Variants in MCM3AP observed in about 807,000 individuals in gnomAD.
MCM3AP encodes the protein germinal-center associated nuclear protein.
Under a neutral mutation model 184.1 loss-of-function variants are expected in MCM3AP, and 126 were observed. The ratio of observed to expected loss-of-function variants is 0.68; its 90% CI spans 0.59 to 0.79. MCM3AP has a LOEUF of 0.79. Ranked by LOEUF, MCM3AP falls within the 30% of genes least tolerant of loss-of-function variation. The pLI is 0.00. For synonymous variants in MCM3AP, 1,002 were observed against 979.3 expected (o/e 1.02, Z -0.43); for missense variants, 2,496 against 2,479.2 (o/e 1.01, Z -0.14).
At chr21:46,282,426 CTA>C (rs1249891479) in intron 2 of MCM3AP, among the ~76,000 whole-genome samples, 2 of 152,116 alleles carry the variant, frequency 1.3e-5, no homozygotes, top group Non-Finnish European at 1.5e-5. Context: ...GTAATTTTGT[CTA>C]TGAGAATACT....
intron 2 of MCM3AP, among the ~76,000 whole-genome samples, chr21:46,282,407 C>T (rs2081344985): frequency 6.6e-6 from 1 of 152,120 alleles, no homozygotes. Context: ...TTATAAATTC[C>T]TATAGAACGT....
chr21:46,246,723 T>C lies in MCM3AP; in HGVS notation c.4454A>G (p.Gln1485Arg), dbSNP rs2080777875. 8 of 1,614,228 alleles carry C rather than the reference T, an allele frequency of 5.0e-6. No individual in the cohort carries two copies. The highest frequency in any genetic ancestry group is 6.8e-6 in the Non-Finnish European group (8 of 1,180,034). ...CTGGAAGGGCTTAGCCTGCAGGAGC[T>C]GCTTGAGCTGCAGCAAGGCCGACAG... ...YWLSALLQLK[Q>R]LLQAKPFQPA... The change falls in exon 21 of 28, where the codon CAG becomes CGG. Residue 1485 changes from glutamine to arginine, a missense_variant. Physicochemically the swap from Gln to Arg is conservative, Grantham distance 43. This residue lies in a region of MCM3AP where 1,323 missense variants were observed against 1,273.4 expected (regional missense o/e 1.04). Transcript: ENST00000291688.
chr21:46,252,273 A>G (rs1271639383), intron 19 of MCM3AP, among the ~76,000 whole-genome samples: 1 of 152,182 alleles, frequency 6.6e-6, no homozygotes, highest in African/African-American at 2.4e-5. Flanking sequence ...GATTTTCAGC[A>G]ATAGAAAACA....
At position 46,267,138 on chromosome 21, in the gene MCM3AP, C is replaced by T. The variant is rs373674344; in HGVS notation, c.2633G>A (p.Arg878His). The T allele has an allele frequency of 3.7e-6, 6 of 1,613,028 alleles. No individual in the cohort carries two copies. Among genetic ancestry groups the T allele is most frequent in the South Asian group, 2.2e-5 (2 of 90,852 alleles). Reference sequence around the variant, plus strand: ...GTTGAGCGCCCGGAGAGCATCCTTGCGGATCTGAGAGGAGGAGCGAAATCA... The same window carrying T: ...GTTGAGCGCCCGGAGAGCATCCTTGTGGATCTGAGAGGAGGAGCGAAATCA... ...CLLHCYFSQI[R>H]KDALRALNFA... The change falls in exon 10 of 28, where the codon CGC (arginine) becomes CAC (histidine). Residue 878 changes from arginine to histidine, a missense_variant. Coordinates refer to ENST00000291688, the MANE Select transcript of MCM3AP (RefSeq NM_003906.5).
In MCM3AP at chr21:46,284,503, G is replaced by T. The variant is rs771646688; in HGVS notation, c.784C>A (p.Pro262Thr). The change falls in exon 1 of 28, where the codon CCT (proline) becomes ACT (threonine). Residue 262 changes from proline to threonine, a missense_variant. Physicochemically the swap from Pro to Thr is conservative, Grantham distance 38. Around this residue, in one of 5 missense-constraint regions of MCM3AP, gnomAD observed 800 missense variants for 717.1 expected, o/e 1.12. Transcript: ENST00000291688. ...FPVSSAVLGE[P>T]FQASKAGVRQ... ...ACACCTGCTTTGCTAGCCTGGAAAG[G>T]TTCGCCCAAAACCGCAGATGATACA... 1 of 1,614,164 alleles carries T rather than the reference G, an allele frequency of 6.2e-7. No homozygotes were observed. Among genetic ancestry groups the T allele is most frequent in the Non-Finnish European group, 8.5e-7 (1 of 1,180,032 alleles).
chr21:46,280,426 C>A, intron 3 of MCM3AP, 71 bp downstream of exon 3: 1 of 1,155,374 alleles, frequency 8.7e-7, no homozygotes, highest in Non-Finnish European at 1.2e-6. Flanking sequence ...GGCAACATAG[C>A]GAGATCTCAT....
intron 15 of MCM3AP, among the ~76,000 whole-genome samples, chr21:46,260,226 T>C (rs1447454586): frequency 6.6e-6 from 1 of 152,182 alleles, no homozygotes; most frequent in Non-Finnish European, 1.5e-5. Flanking sequence ...TATAGGTCCA[T>C]AGGGGCCCTC....
Position 46,244,902 on chromosome 21 carries a change from G to A in MCM3AP, c.4943C>T (p.Pro1648Leu), listed in dbSNP as rs769908746. 2 of 1,614,204 alleles carry A rather than the reference G, an allele frequency of 1.2e-6. No individual in the cohort carries two copies. Among genetic ancestry groups the A allele is most frequent in the East Asian group, 2.2e-5 (1 of 44,880 alleles). ...FAEAGGSRLL[P>L]HLHWNAPEHL... ...CTCTGGGGCATTCCAGTGCAGGTGA[G>A]GAAGCAGCCGGCTGCCCCCTGCCTC... The change falls in exon 23 of 28, where the codon CCT becomes CTT. Residue 1648 changes from proline to leucine, a missense_variant. Pro to Leu is a moderately conservative substitution (Grantham distance 98). Coordinates refer to ENST00000291688, the MANE Select transcript of MCM3AP (RefSeq NM_003906.5).
At chr21:46,268,993 A>C (rs1422246500) in intron 9 of MCM3AP, among the ~76,000 whole-genome samples, 1 of 152,212 alleles carries the variant, frequency 6.6e-6, no homozygotes, top group East Asian at 1.9e-4. Flanking sequence ...AGCAGAGATC[A>C]TGCCACTGCA....
chr21:46,270,473 A>G lies in MCM3AP; in HGVS notation c.2556T>C (p.Phe852=), dbSNP rs1398371491. 4.3e-6 allele frequency: 7 copies of G among 1,614,066 alleles called. No homozygotes were observed. Among genetic ancestry groups the G allele is most frequent in the East Asian group, 4.5e-5 (2 of 44,890 alleles). ...QAFAALNSNN[F]VRFFKLVQSA... Reference sequence around the variant, plus strand: ...ACTGGACCAGTTTGAAAAATCTCACAAAATTATTACTGTTCAATGCAGCAA... The same window carrying G: ...ACTGGACCAGTTTGAAAAATCTCACGAAATTATTACTGTTCAATGCAGCAA... The change falls in exon 9 of 28, where the codon TTT becomes TTC. Residue 852 remains phenylalanine, a synonymous_variant. Coordinates refer to ENST00000291688, the MANE Select transcript of MCM3AP (RefSeq NM_003906.5).
chr21:46,235,151 T>A lies in MCM3AP; in HGVS notation c.*117A>T, dbSNP rs1448734150. 9 of 1,144,584 alleles carry A rather than the reference T, an allele frequency of 7.9e-6. No individual in the cohort carries two copies. The highest frequency in any genetic ancestry group is 2.4e-5 in the Admixed American group (1 of 41,782). The allele number at this position is 1,144,584 out of a possible 1,614,324, so 70.9% of individuals were successfully genotyped here. A position where few individuals can be genotyped will look rare whatever the true frequency, so the allele number is the denominator to read the frequency against. Reference sequence around the variant, plus strand: ...GGGAGACTGACATTTAAATGGTTTATCTGCATGATTAAATTAATCACATTT... The same window carrying A: ...GGGAGACTGACATTTAAATGGTTTAACTGCATGATTAAATTAATCACATTT... On this transcript the variant is annotated 3_prime_UTR_variant, in exon 28 of 28. Transcript: ENST00000291688.
intron 19 of MCM3AP, chr21:46,253,536 C>G (rs1692889251): frequency 1.3e-5 from 2 of 152,162 alleles, no homozygotes; most frequent in African/African-American, 4.8e-5. Context: ...ATAGTGAGCT[C>G]TCACGAGATC....
At position 46,273,577 on chromosome 21, in the gene MCM3AP, G is replaced by A. The variant is rs749582425; in HGVS notation, c.2007C>T (p.His669=). 7.0e-5 allele frequency: 113 copies of A among 1,613,530 alleles called. No individual in the cohort carries two copies. The highest frequency in any genetic ancestry group is 2.9e-4 in the East Asian group (13 of 44,884). ...EVVPGTDQVD[H]AAAVKEYSRS... Reference sequence around the variant, plus strand: ...GACTGTACTCTTTCACAGCTGCTGCGTGGTCCACCTAGAGACATGAAGCCG... The same window carrying A: ...GACTGTACTCTTTCACAGCTGCTGCATGGTCCACCTAGAGACATGAAGCCG... Residue 669 remains histidine (H), a synonymous_variant, in exon 7 of 28, where the codon CAC becomes CAT. Transcript: ENST00000291688.
chr21:46,279,946 T>C (rs1341660632), intron 4 of MCM3AP, 47 bp downstream of exon 4: 13 of 1,573,030 alleles, frequency 8.3e-6, no homozygotes, highest in Non-Finnish European at 1.0e-5. Context: ...TAGGGCGCTA[T>C]TTCCTGGTCC....
intron 20 of MCM3AP, chr21:46,249,453 T>C (rs763865996): frequency 1.1e-5 from 4 of 370,992 alleles, no homozygotes; most frequent in Non-Finnish European, 2.1e-5. Flanking sequence ...CCTCCCAAAG[T>C]GCTGGGATTA....
rs1442227220 is a variant in MCM3AP at position 46,285,588 on chromosome 21, G to A, written c.-302C>T. The A allele has an allele frequency of 1.8e-5, 5 of 275,354 alleles. No individual in the cohort carries two copies. The highest frequency in any genetic ancestry group is 8.3e-5 in the South Asian group (1 of 11,980). 17.1% of individuals were successfully genotyped at this position (275,354 alleles called of 1,614,324 possible). A position where few individuals can be genotyped will look rare whatever the true frequency, so the allele number is the denominator to read the frequency against. On this transcript the variant is annotated 5_prime_UTR_variant, in exon 1 of 28. Transcript: ENST00000291688. ...TACAAATAATTACTTTGTTACAGAG[G>A]TTTAAAGCGTGATCCTTTAAGATTA... is the stretch of plus-strand genomic sequence containing the variant.
At chr21:46,248,365 C>G (rs1796206801) in intron 20 of MCM3AP, among the ~76,000 whole-genome samples, 2 of 152,148 alleles carry the variant, frequency 1.3e-5, no homozygotes, top group Admixed American at 1.3e-4. Context: ...ACCAGCAGCT[C>G]CCCAGAAAGC....
chr21:46,269,618 C>T (rs1386763441), intron 9 of MCM3AP, among the ~76,000 whole-genome samples: 2 of 152,168 alleles, frequency 1.3e-5, no homozygotes, highest in African/African-American at 4.8e-5. Flanking sequence ...ACAGATCAAC[C>T]AAGGCAGGTC....
intron 13 of MCM3AP, among the ~76,000 whole-genome samples, chr21:46,262,616 C>T (rs1258580935): frequency 2.7e-5 from 4 of 150,576 alleles, no homozygotes; most frequent in African/African-American, 7.3e-5. Flanking sequence ...CTTCTGCACT[C>T]GGGTCTAGGT....
Sources: gnomAD v4.1 joint callset for allele counts (sites outside exome capture counted in the v4.1 genomes callset) on GRCh38, gnomAD v4.1.1 for gene constraint, gnomAD v4.1.1 regional missense constraint, MANE v1.5 for transcripts, NCBI Gene and HGNC (gene_info 2026-07-23, HGNC 2026-07-21) for gene names.